Variants in ZNF569 observed in about 807,000 individuals in gnomAD.
ZNF569 encodes the protein zinc finger protein 569.
A neutral mutation model predicts 56.3 loss-of-function variants in ZNF569; 38 were observed. The ratio of observed to expected loss-of-function variants is 0.68; its 90% CI spans 0.52 to 0.88. The LOEUF (loss-of-function observed/expected upper bound fraction) is 0.88, where lower values mean the gene tolerates loss of function less well. Ranked by LOEUF, ZNF569 falls within the 40% of genes least tolerant of loss-of-function variation. ZNF569 has a pLI of 0.00. For missense variants in ZNF569, 666 were observed against 809.2 expected, an observed-to-expected ratio of 0.82 and a Z score of 2.15; for synonymous variants, 241 against 262.9, an observed-to-expected ratio of 0.92 and a Z score of 0.81.
chr19:37,426,059 C>T (rs1832539584), intron 4 of ZNF569, 96 bp from the exon 5 acceptor site: 1 of 1,421,336 alleles, frequency 7.0e-7, no homozygotes, highest in African/African-American at 1.4e-5. Flanking sequence ...GGCTAAAGGA[C>T]AAGAAAATGT....
chr19:37,466,530 GGGA>G (rs1330215222), intron 1 of ZNF569, among the ~76,000 whole-genome samples: 1 of 152,146 alleles, frequency 6.6e-6, no homozygotes, highest in African/African-American at 2.4e-5. Flanking sequence ...GGGAGGCTGA[GGGA>G]GGAGAATTGC....
intron 5 of ZNF569, among the ~76,000 whole-genome samples, chr19:37,425,476 C>T (rs2041114713): frequency 6.6e-6 from 1 of 151,964 alleles, no homozygotes; most frequent in African/African-American, 2.4e-5. Context: ...CGCGTGTCAC[C>T]ACGCCAAGCT....
intron 2 of ZNF569, among the ~76,000 whole-genome samples, chr19:37,456,067 A>G (rs1035552332): frequency 3.3e-5 from 5 of 152,216 alleles, no homozygotes; most frequent in Non-Finnish European, 7.3e-5. Context: ...TTCTCAGAAA[A>G]ACAGTTTTTC....
intron 3 of ZNF569, among the ~76,000 whole-genome samples, chr19:37,437,550 C>T (rs1056867123): frequency 6.6e-6 from 1 of 152,120 alleles, no homozygotes; most frequent in East Asian, 1.9e-4. Flanking sequence ...TCCTTGTTTG[C>T]ATGTGATATG....
chr19:37,411,718 A>C lies in ZNF569; in HGVS notation c.*879T>G, dbSNP rs1027716566. 1 of 152,166 alleles carries C rather than the reference A, an allele frequency of 6.6e-6. No homozygotes were observed. The highest frequency in any genetic ancestry group is 1.5e-5 in the Non-Finnish European group (1 of 67,998). 9.4% of individuals were successfully genotyped at this position (152,166 alleles called of 1,614,324 possible). A position where few individuals can be genotyped will look rare whatever the true frequency, so the allele number is the denominator to read the frequency against. On this transcript the variant is annotated 3_prime_UTR_variant, in exon 6 of 6. Transcript: ENST00000316950. ...ATTTTTGTATATGATATAAAGTAGA[A>C]AGCTAAAATTTTTCTCCTATGAACC...
chr19:37,412,807 T>C lies in ZNF569; in HGVS notation c.1851A>G (p.Gln617=). 1 of 1,614,046 alleles carries C rather than the reference T, an allele frequency of 6.2e-7. No individual in the cohort carries two copies. The highest frequency in any genetic ancestry group is 8.5e-7 in the Non-Finnish European group (1 of 1,179,964). ...GTATATGTATAGTAAGGGATGAGCTTTGGGAGAAGGCTTTTCCACATTTAT... is the reference window on the plus strand; with the variant it reads ...GTATATGTATAGTAAGGGATGAGCTCTGGGAGAAGGCTTTTCCACATTTAT... The part of the protein sequence containing the change: ...ECNKCGKAFS[Q]SSSLTIHIRG... Residue 617 remains glutamine, a synonymous_variant, in exon 6 of 6, where the codon CAA becomes CAG. Coordinates refer to ENST00000316950, the MANE Select transcript of ZNF569 (RefSeq NM_152484.3).
chr19:37,451,229 GTC>G (rs1172808968), intron 2 of ZNF569, among the ~76,000 whole-genome samples: 3 of 151,840 alleles, frequency 2.0e-5, no homozygotes, highest in African/African-American at 7.3e-5. Flanking sequence ...TTGAAACCCT[GTC>G]TCTGCTAAAA....
intron 2 of ZNF569, among the ~76,000 whole-genome samples, chr19:37,449,239 AT>A (rs1361122698): frequency 1.3e-5 from 2 of 152,142 alleles, no homozygotes; most frequent in Non-Finnish European, 2.9e-5. Context: ...GGCCCCAAAT[AT>A]GATCTATGTA....
At position 37,426,413 on chromosome 19, in the gene ZNF569, T is replaced by C. The variant is rs566752914; in HGVS notation, c.16-35A>G. 7.1e-6 allele frequency: 11 copies of C among 1,559,140 alleles called. No individual in the cohort carries two copies. In the African/African-American group the frequency reaches 1.4e-4, roughly 19 times the overall value. On this transcript the variant is annotated intron_variant, in intron 3 of 5. Coordinates refer to ENST00000316950, the MANE Select transcript of ZNF569 (RefSeq NM_152484.3). The stretch of plus-strand genomic sequence containing the variant: ...CACACTCCCACTCAATCTGAAGTCA[T>C]CCATCTTGGGTGATTGTAAACAAAA...
At chr19:37,430,584 GA>G (rs58184654) in intron 3 of ZNF569, among the ~76,000 whole-genome samples, 31,720 of 148,836 alleles carry the variant, frequency 0.21, 3,554 homozygotes, top group South Asian at 0.32. Flanking sequence ...AGTTCTGAAA[GA>G]AAAAAAAAAC....
chr19:37,459,799 A>G (rs987247697), intron 2 of ZNF569, among the ~76,000 whole-genome samples: 1 of 152,238 alleles, frequency 6.6e-6, no homozygotes, highest in Admixed American at 6.5e-5. Flanking sequence ...CACAAGTGAC[A>G]TAACAACGGA....
At chr19:37,459,134 T>G (rs142066195) in intron 2 of ZNF569, among the ~76,000 whole-genome samples, 1 of 151,910 alleles carries the variant, frequency 6.6e-6, no homozygotes, top group African/African-American at 2.4e-5. Flanking sequence ...AGAACACAGA[T>G]GAAATATTGT....
chr19:37,440,708 T>A (rs1021230995), intron 3 of ZNF569, among the ~76,000 whole-genome samples: 3 of 152,142 alleles, frequency 2.0e-5, no homozygotes, highest in South Asian at 4.1e-4. Flanking sequence ...AAAATCCACA[T>A]GAAAAAATGA....
At chr19:37,425,400 C>A (rs935462966) in intron 5 of ZNF569, among the ~76,000 whole-genome samples, 3 of 147,148 alleles carry the variant, frequency 2.0e-5, no homozygotes, top group Non-Finnish European at 4.5e-5. Flanking sequence ...TGGCTCACTG[C>A]AACCTCTGCC....
intron 2 of ZNF569, among the ~76,000 whole-genome samples, chr19:37,454,499 T>C (rs750008251): frequency 5.9e-5 from 9 of 152,108 alleles, no homozygotes; most frequent in Non-Finnish European, 1.3e-4. Flanking sequence ...CTCCCAGAGA[T>C]ATTACTTTTT....
At chr19:37,420,233 C>T (rs937584172) in intron 5 of ZNF569, among the ~76,000 whole-genome samples, 1 of 151,928 alleles carries the variant, frequency 6.6e-6, no homozygotes, top group Non-Finnish European at 1.5e-5. Flanking sequence ...CGTGATCTGC[C>T]CACCTCGGCC....
At chr19:37,426,114 G>T in intron 4 of ZNF569, 138 bp downstream of exon 4, 1 of 1,273,518 alleles carries the variant, frequency 7.9e-7, no homozygotes, top group African/African-American at 1.5e-5. Context: ...ACTGCAGCAT[G>T]GACATTCACA....
At chr19:37,464,140 C>A (rs1751742680) in intron 2 of ZNF569, among the ~76,000 whole-genome samples, 1 of 152,016 alleles carries the variant, frequency 6.6e-6, no homozygotes, top group Non-Finnish European at 1.5e-5. Context: ...ATTCACTCAC[C>A]ACCACACACA....
At chr19:37,438,998 T>G (rs1213014750) in intron 3 of ZNF569, among the ~76,000 whole-genome samples, 3 of 152,152 alleles carry the variant, frequency 2.0e-5, no homozygotes, top group Non-Finnish European at 2.9e-5. Flanking sequence ...TGAAAAGGTG[T>G]TCAACATCAC....
Sources: allele counts gnomAD v4.1 joint callset (sites outside exome capture counted in the v4.1 genomes callset), GRCh38; gene constraint gnomAD v4.1.1; transcripts MANE v1.5; gene names NCBI Gene and HGNC (gene_info 2026-07-23, HGNC 2026-07-21).